HAO1: variants seen among roughly 807,000 people sequenced by gnomAD.
HAO1 encodes hydroxyacid oxidase 1.
In HAO1, 34 loss-of-function variants were observed where a neutral mutation model predicts 39.7. That is an observed-to-expected ratio of 0.86 (90% CI 0.65 to 1.14). The LOEUF (loss-of-function observed/expected upper bound fraction) is 1.14. Ranked by LOEUF, HAO1 falls within the 50% of genes most tolerant of loss-of-function variation. The pLI is 0.00. For synonymous variants in HAO1, 172 were observed against 173.2 expected (o/e 0.99, Z 0.05); for missense variants, 479 against 464.5 (o/e 1.03, Z -0.29).
intron 1 of HAO1, among the ~76,000 whole-genome samples, 158 bp from the exon 2 acceptor site, chr20:7,934,793 T>G (rs1281260378): frequency 6.6e-6 from 1 of 152,242 alleles, no homozygotes; most frequent in African/African-American, 2.4e-5. Context: ...GCAATTTTAC[T>G]GTTTGTTTGG....
In HAO1 at chr20:7,910,998, G is replaced by C. The variant is rs528383411; in HGVS notation, c.545+3166C>G. Among the ~76,000 whole-genome samples the C allele has an allele frequency of 8.7e-4, 132 of 152,280 alleles. 1 individual carries two copies. The highest frequency in any genetic ancestry group is 3.1e-3 in the African/African-American group (129 of 41,542). On this transcript the variant is annotated intron_variant, in intron 3 of 7. Transcript: ENST00000378789. ...TAATGTCAAGACTCAATGGAAGTGA[G>C]GCTATTAGTCATGCGTTGATTCTGC...
At chr20:7,903,649 TAGC>T (rs1300879136) in intron 4 of HAO1, among the ~76,000 whole-genome samples, 1 of 150,766 alleles carries the variant, frequency 6.6e-6, no homozygotes, top group South Asian at 2.1e-4. Context: ...GTGGTGATGA[TAGC>T]AGTGGTGGTG....
intron 1 of HAO1, among the ~76,000 whole-genome samples, chr20:7,936,503 C>CGTGTGTGT (rs71183082): frequency 0.16 from 17,093 of 108,950 alleles, 1,602 homozygotes; most frequent in Non-Finnish European, 0.21. Flanking sequence ...GGGCAGCAGC[C>CGTGTGTGT]GTGTGTGTGT....
intron 2 of HAO1, among the ~76,000 whole-genome samples, chr20:7,918,944 T>A (rs1569453): frequency 0.45 from 67,748 of 152,062 alleles, 16,834 homozygotes; most frequent in East Asian, 0.99. Flanking sequence ...GCAGACACTG[T>A]CTCATTGCAT....
rs1353924087 is a variant in HAO1 at position 7,924,284 on chromosome 20, AAGC to A, written c.290-9868_290-9866del. ...TCCAGCTTCCTAGATCTCAGATCAG[AAGC>A]AGAAGTGAATAATAAATAAAAATAA... is the stretch of plus-strand genomic sequence containing the variant. On this transcript the variant is annotated intron_variant, in intron 2 of 7. Coordinates refer to ENST00000378789, the MANE Select transcript of HAO1 (RefSeq NM_017545.3). Among the ~76,000 whole-genome samples, 4 of 152,168 alleles carry A rather than the reference AAGC, an allele frequency of 2.6e-5. No individual in the cohort carries two copies. The East Asian group carries it at 7.7e-4, about 29-fold the overall frequency.
Position 7,885,522 on chromosome 20 carries a change from A to G in HAO1, c.1041T>C (p.Ser347=). Residue 347 remains serine, a splice_region_variant and synonymous_variant, in exon 7 of 8, where the codon AGT becomes AGC. Coordinates refer to ENST00000378789, the MANE Select transcript of HAO1 (RefSeq NM_017545.3). The stretch of plus-strand genomic sequence containing the variant: ...GTTGTAAACAAGAATGAGTCTTACC[A>G]CTCAGAGCCATGGCCAACCGGAATT... ...KEEFRLAMAL[S]GCQNVKVIDK... is the part of the protein sequence containing the mutation. The G allele has an allele frequency of 1.9e-6, 3 of 1,595,978 alleles. No homozygotes were observed. The highest frequency in any genetic ancestry group is 2.6e-6 in the Non-Finnish European group (3 of 1,163,488).
intron 2 of HAO1, among the ~76,000 whole-genome samples, chr20:7,922,921 C>T (rs752239005): frequency 3.9e-5 from 6 of 152,224 alleles, no homozygotes; most frequent in East Asian, 1.9e-4. Context: ...AAATGGGCTA[C>T]GGCCAGTGGC....
At chr20:7,898,598 C>A (rs148465845) in intron 4 of HAO1, among the ~76,000 whole-genome samples, 6 of 152,224 alleles carry the variant, frequency 3.9e-5, no homozygotes, top group Non-Finnish European at 7.4e-5. Flanking sequence ...AATGGACTAC[C>A]ATAGAACTTT....
chr20:7,912,345 G>A (rs140738464), intron 3 of HAO1, among the ~76,000 whole-genome samples: 2 of 152,222 alleles, frequency 1.3e-5, no homozygotes, highest in East Asian at 1.9e-4. Context: ...CCCCATCTAA[G>A]TAGATGCCTC....
chr20:7,934,406 T>C, intron 2 of HAO1, 78 bp downstream of exon 2: 3 of 1,059,984 alleles, frequency 2.8e-6, no homozygotes, highest in Middle Eastern at 2.1e-4. Context: ...AAGGAACATA[T>C]TTGCTTGGTG....
chr20:7,890,704 T>C (rs908574400), intron 5 of HAO1, among the ~76,000 whole-genome samples: 2 of 152,092 alleles, frequency 1.3e-5, no homozygotes, highest in African/African-American at 4.8e-5. Context: ...CCACCCCCTA[T>C]TCTTTCCCCC....
At chr20:7,897,216 A>G (rs1208914425) in intron 4 of HAO1, among the ~76,000 whole-genome samples, 1 of 152,192 alleles carries the variant, frequency 6.6e-6, no homozygotes, top group African/African-American at 2.4e-5. Flanking sequence ...TTATAAGTAA[A>G]CAGTTTTATG....
intron 1 of HAO1, among the ~76,000 whole-genome samples, chr20:7,939,752 T>A (rs1316003861): frequency 6.6e-6 from 1 of 152,182 alleles, no homozygotes; most frequent in Non-Finnish European, 1.5e-5. Flanking sequence ...TGAAGTGCTT[T>A]GAAGGAGAGA....
At chr20:7,925,377 C>T (rs2050354431) in intron 2 of HAO1, among the ~76,000 whole-genome samples, 2 of 152,148 alleles carry the variant, frequency 1.3e-5, no homozygotes. Context: ...CACACTGCCA[C>T]TACACCTCTA....
rs1600107160 is a variant in HAO1 at position 7,895,168 on chromosome 20, G to A, written c.778C>T (p.His260Tyr). The A allele has an allele frequency of 1.2e-6, 2 of 1,612,778 alleles. No individual in the cohort carries two copies. The highest frequency in any genetic ancestry group is 1.7e-6 in the Non-Finnish European group (2 of 1,178,944). Residue 260 changes from histidine (H) to tyrosine (Y), a missense_variant, in exon 5 of 8, where the codon CAT (histidine) becomes TAT (tyrosine). Transcript: ENST00000378789. ...HGLNGILVSN[H>Y]GARQLDGVPA... ...ACCCCATCGAGTTGTCGAGCCCCATGATTCGACACCAAGATCCCATTCAAG... is the reference window on the plus strand; with the variant it reads ...ACCCCATCGAGTTGTCGAGCCCCATAATTCGACACCAAGATCCCATTCAAG...
At chr20:7,937,520 C>T (rs1417218466) in intron 1 of HAO1, among the ~76,000 whole-genome samples, 2 of 152,008 alleles carry the variant, frequency 1.3e-5, no homozygotes, top group African/African-American at 2.4e-5. Flanking sequence ...CACTTTTACC[C>T]ATCTGTTATT....
intron 5 of HAO1, among the ~76,000 whole-genome samples, chr20:7,887,908 T>G (rs2050157517): frequency 6.6e-6 from 1 of 152,198 alleles, no homozygotes; most frequent in Non-Finnish European, 1.5e-5. Context: ...TTTCTTTCAA[T>G]AGCTGCAGTT....
chr20:7,937,771 T>C (rs1391547650), intron 1 of HAO1, among the ~76,000 whole-genome samples: 1 of 152,214 alleles, frequency 6.6e-6, no homozygotes, highest in Non-Finnish European at 1.5e-5. Flanking sequence ...ATTCCAGCCA[T>C]GCAAAATGTA....
rs144545738 is a variant in HAO1, at chr20:7,898,539, C to T, written c.722-3315G>A. Reference sequence around the variant, plus strand: ...CATTTTAAACCAGAAGCCCAGTACACTTTCATCTCAAACGTATTTCATAAA... The same window carrying T: ...CATTTTAAACCAGAAGCCCAGTACATTTTCATCTCAAACGTATTTCATAAA... On this transcript the variant is annotated intron_variant, in intron 4 of 7. Coordinates refer to ENST00000378789, the MANE Select transcript of HAO1 (RefSeq NM_017545.3). Among the ~76,000 whole-genome samples, 982 of 152,222 alleles carry T rather than the reference C, an allele frequency of 6.5e-3. 5 individuals are homozygous for T. The highest frequency in any genetic ancestry group is 0.022 in the African/African-American group (912 of 41,526).
Sources: allele counts gnomAD v4.1 joint callset (sites outside exome capture counted in the v4.1 genomes callset), GRCh38; gene constraint gnomAD v4.1.1; transcripts MANE v1.5; gene names NCBI Gene and HGNC (gene_info 2026-07-23, HGNC 2026-07-21).